The following AKAP9 variants were observed in gnomAD, a reference collection of about 807,000 sequenced individuals.
The protein encoded by AKAP9 is A-kinase anchoring protein 9, also known as A-kinase anchor protein 9.
AKAP9 carries 311 observed loss-of-function variants against 488.5 expected under a neutral mutation model. The observed-to-expected ratio is 0.64, with a 90% CI of 0.58 to 0.70. The LOEUF (loss-of-function observed/expected upper bound fraction) is 0.70. Among genes scored for constraint, AKAP9 ranks in the 30% least tolerant of loss-of-function variants. The pLI is 0.00. For synonymous variants in AKAP9, 1,462 were observed against 1,483.5 expected, an observed-to-expected ratio of 0.99 and a Z score of 0.33; for missense variants, 4,215 against 4,374.5, an observed-to-expected ratio of 0.96 and a Z score of 1.03.
In AKAP9 at chr7:92,075,582, C is replaced by T. The variant is rs542761127; in HGVS notation, c.6613-1273C>T. ...GATTCAGAGATAAACTCCTCAGGTT[C>T]AAAAGCTGGCTTCTCCACATACTCG... On this transcript the variant is annotated intron_variant, in intron 28 of 49. Transcript: ENST00000356239. 2.6e-5 allele frequency among the ~76,000 whole-genome samples: 4 copies of T among 152,332 alleles called. No individual in the cohort carries two copies. In the South Asian group the frequency reaches 8.3e-4, roughly 32 times the overall value.
At position 92,084,697 on chromosome 7, in the gene AKAP9, T is replaced by G; in HGVS notation, c.8704T>G (p.Ser2902Ala). The change falls in exon 34 of 50, where the codon TCC (serine) becomes GCC (alanine). Residue 2902 changes from serine (S) to alanine (A), a missense_variant. Transcript: ENST00000356239. ...TGCTTACCAGACTAGAGAAATATGC[T>G]CCAGTGGTAAGTTATATAAATATTT... is the stretch of plus-strand genomic sequence containing the variant. ...SDAYQTREIC[S>A]SDSGSDWGQG... 6.2e-7 allele frequency: 1 copy of G among 1,610,750 alleles called. No homozygotes were observed. The highest frequency in any genetic ancestry group is 8.5e-7 in the Non-Finnish European group (1 of 1,177,218).
At chr7:92,010,619 A>C (rs937260663) in intron 8 of AKAP9, among the ~76,000 whole-genome samples, 3 of 152,224 alleles carry the variant, frequency 2.0e-5, no homozygotes, top group Non-Finnish European at 4.4e-5. Flanking sequence ...TTGGCTTCCC[A>C]AAGTGCTGGG....
Position 92,079,929 on chromosome 7 carries a change from C to T in AKAP9, c.7796C>T (p.Ser2599Leu), listed in dbSNP as rs1584463410. 3 of 1,612,420 alleles carry T rather than the reference C, an allele frequency of 1.9e-6. No homozygotes were observed. The highest frequency in any genetic ancestry group is 1.7e-5 in the Admixed American group (1 of 59,840). Residue 2599 changes from serine to leucine, a missense_variant, in exon 31 of 50, where the codon TCA (serine) becomes TTA (leucine). Ser to Leu is a moderately radical substitution (Grantham distance 145, BLOSUM62 -2). This residue lies in a region of AKAP9 where 1,476 missense variants were observed against 1,477.4 expected (regional missense o/e 1.00). Transcript: ENST00000356239. Reference sequence around the variant, plus strand: ...CAACTAAGAGAAGATGAGTTGGGGTCAGATATATCAGCATTAACCTTGAGA... The same window carrying T: ...CAACTAAGAGAAGATGAGTTGGGGTTAGATATATCAGCATTAACCTTGAGA... ...LNQLREDELG[S>L]DISALTLRIS...
chr7:92,042,328 G>A (rs770438744), intron 19 of AKAP9, 142 bp downstream of exon 19: 14 of 1,063,880 alleles, frequency 1.3e-5, no homozygotes, highest in Non-Finnish European at 1.7e-5. Context: ...AAGGTAGGTG[G>A]AGTCAAAATG....
chr7:91,941,278 G>A, intron 1 of AKAP9, 131 bp downstream of exon 1: 1 of 831,430 alleles, frequency 1.2e-6, no homozygotes, highest in Non-Finnish European at 1.9e-6. Flanking sequence ...CAGGGTCTTA[G>A]GGTCTGCATC....
At position 92,079,934 on chromosome 7, in the gene AKAP9, A is replaced by G. The variant is rs925851400; in HGVS notation, c.7801A>G (p.Ile2601Val). 6.2e-7 allele frequency: 1 copy of G among 1,612,272 alleles called. No individual in the cohort carries two copies. The highest frequency in any genetic ancestry group is 1.3e-5 in the African/African-American group (1 of 74,908). Residue 2601 changes from isoleucine to valine, a missense_variant, in exon 31 of 50, where the codon ATA becomes GTA. This residue lies in a region of AKAP9 where 1,476 missense variants were observed against 1,477.4 expected (regional missense o/e 1.00). Coordinates refer to ENST00000356239, the MANE Select transcript of AKAP9 (RefSeq NM_005751.5). ...QLREDELGSD[I>V]SALTLRISEL... ...AAGAGAAGATGAGTTGGGGTCAGAT[A>G]TATCAGCATTAACCTTGAGAATATC...
Position 92,083,778 on chromosome 7 carries a change from T to C in AKAP9, c.8646+123T>C. 5 of 994,366 alleles carry C rather than the reference T, an allele frequency of 5.0e-6. No individual in the cohort carries two copies. In the South Asian group the frequency reaches 7.8e-5, roughly 16 times the overall value. The allele number at this position is 994,366 out of a possible 1,614,324, so 61.6% of individuals were successfully genotyped here. ...AACTCATTAAGGCACTTGATCTTTC[T>C]AAGTAGGTGTATTATCAAGGCAAGT... On this transcript the variant is annotated intron_variant, in intron 33 of 49. Coordinates refer to ENST00000356239, the MANE Select transcript of AKAP9 (RefSeq NM_005751.5).
chr7:92,060,928 A>G (rs1809651646), intron 22 of AKAP9, among the ~76,000 whole-genome samples: 1 of 152,090 alleles, frequency 6.6e-6, no homozygotes, highest in South Asian at 2.1e-4. Context: ...AAATACAATA[A>G]ACGCCTGTGC....
chr7:91,955,896 G>T (rs1267894359), intron 1 of AKAP9, among the ~76,000 whole-genome samples: 1 of 152,096 alleles, frequency 6.6e-6, no homozygotes, highest in South Asian at 2.1e-4. Context: ...GCCTCCCAAA[G>T]TGCTGGGATT....
At chr7:91,946,488 C>T (rs933676949) in intron 1 of AKAP9, among the ~76,000 whole-genome samples, 2 of 151,646 alleles carry the variant, frequency 1.3e-5, no homozygotes, top group Non-Finnish European at 2.9e-5. Flanking sequence ...CCTCCTGCCT[C>T]AACCTCCTGA....
chr7:91,989,666 T>A (rs1402525337), intron 3 of AKAP9, among the ~76,000 whole-genome samples: 2 of 152,080 alleles, frequency 1.3e-5, no homozygotes, highest in African/African-American at 4.8e-5. Flanking sequence ...TTTATGACAT[T>A]TATTTTAACC....
intron 16 of AKAP9, among the ~76,000 whole-genome samples, chr7:92,035,984 A>C (rs1805129769): frequency 6.8e-6 from 1 of 147,108 alleles, no homozygotes; most frequent in Non-Finnish European, 1.5e-5. Context: ...TTAGAATCTT[A>C]TTTCTTTTTG....
chr7:91,963,481 G>GTC (rs201798425), intron 1 of AKAP9, among the ~76,000 whole-genome samples: 3,435 of 115,550 alleles, frequency 0.03, 58 homozygotes, highest in Middle Eastern at 0.052. Flanking sequence ...TAACATATTT[G>GTC]TCACACACAC....
At chr7:91,993,090 T>C in intron 5 of AKAP9, 35 bp downstream of exon 5, 1 of 1,612,406 alleles carries the variant, frequency 6.2e-7, no homozygotes, top group Non-Finnish European at 8.5e-7. Context: ...GATTTGCTAC[T>C]CACAAAAACA....
chr7:92,048,626 G>A (rs944514538), intron 21 of AKAP9, among the ~76,000 whole-genome samples: 18 of 152,172 alleles, frequency 1.2e-4, no homozygotes, highest in Admixed American at 3.3e-4. Context: ...AATGCTAGGG[G>A]CTGAGAGTCA....
intron 1 of AKAP9, among the ~76,000 whole-genome samples, chr7:91,961,619 C>T (rs375226735): frequency 2.0e-5 from 3 of 151,806 alleles, no homozygotes; most frequent in Admixed American, 6.6e-5. Context: ...CCTAGGCGGG[C>T]GGATCATGAG....
At chr7:92,092,457 T>A (rs1403796775) in intron 38 of AKAP9, 1 of 152,214 alleles carries the variant, frequency 6.6e-6, no homozygotes, top group Non-Finnish European at 1.5e-5. Flanking sequence ...TGGAATTTTT[T>A]AATGTACATT....
chr7:92,008,564 G>A (rs1316036280), intron 8 of AKAP9, among the ~76,000 whole-genome samples: 4 of 151,262 alleles, frequency 2.6e-5, no homozygotes, highest in Admixed American at 6.6e-5. Context: ...GCATGCGCCT[G>A]TAATTCCAGC....
At chr7:92,056,958 T>C (rs1454299288) in intron 22 of AKAP9, among the ~76,000 whole-genome samples, 1 of 152,020 alleles carries the variant, frequency 6.6e-6, no homozygotes, top group East Asian at 1.9e-4. Flanking sequence ...TATTAAAAAG[T>C]AAGTTGTTTA....
Sources: gnomAD v4.1 joint callset for allele counts (sites outside exome capture counted in the v4.1 genomes callset) on GRCh38, gnomAD v4.1.1 for gene constraint, gnomAD v4.1.1 regional missense constraint, MANE v1.5 for transcripts, NCBI Gene and HGNC (gene_info 2026-07-23, HGNC 2026-07-21) for gene names.